The following UMAD1 variants were observed in gnomAD, a reference collection of about 807,000 sequenced individuals.
UMAD1 encodes UBAP1-MVB12-associated (UMA)-domain containing protein 1.
UMAD1 carries 8 observed loss-of-function variants against 6.1 expected under a neutral mutation model. The observed-to-expected ratio is 1.30, with a 90% CI of 0.76 to 2.35. The LOEUF (loss-of-function observed/expected upper bound fraction) is 2.35. UMAD1 is among the 30% of genes most tolerant of loss of function. UMAD1 has a pLI of 0.00. For missense variants in UMAD1, 130 were observed against 78.4 expected, an observed-to-expected ratio of 1.66 and a Z score of -2.49; for synonymous variants, 56 against 31.4, an observed-to-expected ratio of 1.78 and a Z score of -2.61.
At chr7:7,667,186 G>A (rs750785646) in intron 1 of UMAD1, among the ~76,000 whole-genome samples, 31 of 152,272 alleles carry the variant, frequency 2.0e-4, no homozygotes, top group Non-Finnish European at 4.4e-4. Flanking sequence ...TTATAGGTTG[G>A]GTTCTAGCTC....
intron 1 of UMAD1, among the ~76,000 whole-genome samples, chr7:7,653,621 C>T (rs1785276218): frequency 6.6e-6 from 1 of 152,188 alleles, no homozygotes; most frequent in South Asian, 2.1e-4. Context: ...TGTCATTGTT[C>T]ACACTGAAGA....
intron 1 of UMAD1, among the ~76,000 whole-genome samples, chr7:7,665,317 C>T (rs557927944): frequency 3.3e-5 from 5 of 152,304 alleles, no homozygotes; most frequent in African/African-American, 1.2e-4. Context: ...CCCTTTTATA[C>T]GCAGTCTGTG....
intron 2 of UMAD1, among the ~76,000 whole-genome samples, chr7:7,677,920 G>A (rs549014543): frequency 7.1e-4 from 107 of 151,702 alleles, no homozygotes; most frequent in Non-Finnish European, 5.4e-4. Flanking sequence ...TGATCCGCCC[G>A]CCTCGGCCTC....
intron 1 of UMAD1, among the ~76,000 whole-genome samples, chr7:7,645,939 T>A (rs1184394765): frequency 6.6e-6 from 1 of 152,162 alleles, no homozygotes; most frequent in Non-Finnish European, 1.5e-5. Flanking sequence ...GACCCCTTTG[T>A]GGGACTTGGA....
intron 2 of UMAD1, among the ~76,000 whole-genome samples, chr7:7,760,226 G>T (rs948070578): frequency 9.2e-5 from 14 of 151,942 alleles, no homozygotes; most frequent in Non-Finnish European, 1.5e-5. Context: ...TGTGAGTGAA[G>T]TTGTCCTTCA....
chr7:7,688,105 T>C (rs540461913), intron 2 of UMAD1, among the ~76,000 whole-genome samples: 1 of 152,318 alleles, frequency 6.6e-6, no homozygotes, highest in East Asian at 1.9e-4. Context: ...TCTGGAAACT[T>C]CTGACACTAC....
chr7:7,701,905 G>A (rs1209905456), intron 2 of UMAD1, among the ~76,000 whole-genome samples: 1 of 152,094 alleles, frequency 6.6e-6, no homozygotes, highest in Non-Finnish European at 1.5e-5. Context: ...AACCATTTCT[G>A]CCATCTCTCT....
intron 2 of UMAD1, among the ~76,000 whole-genome samples, chr7:7,782,253 A>AG (rs397721090): frequency 6.6e-6 from 1 of 151,932 alleles, no homozygotes; most frequent in African/African-American, 2.4e-5. Flanking sequence ...AAGGGAAAAA[A>AG]TAAAAATCTT....
At position 7,697,200 on chromosome 7, in the gene UMAD1, C is replaced by T. The variant is rs116851548; in HGVS notation, c.82+23747C>T. On this transcript the variant is annotated intron_variant, in intron 2 of 3. Coordinates refer to ENST00000682710, the MANE Select transcript of UMAD1 (RefSeq NM_001302348.2). ...TTCTTGATGGAATGTGTACCTGACA[C>T]TTTGATACACTTTGCAACAGTCCTG... Among the ~76,000 whole-genome samples the T allele has an allele frequency of 3.4e-4, 52 of 152,252 alleles. 1 individual carries two copies. In the East Asian group the frequency reaches 9.1e-3, roughly 27 times the overall value.
intron 3 of UMAD1, among the ~76,000 whole-genome samples, chr7:7,825,494 G>A (rs1264027861): frequency 6.6e-6 from 1 of 152,084 alleles, no homozygotes; most frequent in Non-Finnish European, 1.5e-5. Flanking sequence ...ATCTTACATG[G>A]ATGGCAGCAG....
Position 7,734,819 on chromosome 7 carries a change from AT to A in UMAD1, c.82+61373del, listed in dbSNP as rs1402687947. Among the ~76,000 whole-genome samples the A allele has an allele frequency of 5.9e-5, 9 of 152,210 alleles. No individual in the cohort carries two copies. The East Asian group carries it at 1.7e-3, about 29-fold the overall frequency. On this transcript the variant is annotated intron_variant, in intron 2 of 3. Transcript: ENST00000682710. ...GGAAAATGATATGCTAGCTAACTTTATTTTTTTCATACATAAAACAATGTGT... is the reference window on the plus strand; with the variant it reads ...GGAAAATGATATGCTAGCTAACTTTATTTTTTCATACATAAAACAATGTGT...
chr7:7,755,763 TGCTG>T (rs1781764630), intron 2 of UMAD1, among the ~76,000 whole-genome samples: 1 of 152,208 alleles, frequency 6.6e-6, no homozygotes, highest in Non-Finnish European at 1.5e-5. Flanking sequence ...ACCAAAAACA[TGCTG>T]GCTAAGTACG....
At chr7:7,786,268 T>C (rs935210359) in intron 2 of UMAD1, among the ~76,000 whole-genome samples, 6 of 152,240 alleles carry the variant, frequency 3.9e-5, no homozygotes, top group African/African-American at 1.4e-4. Context: ...ACCTTCAATA[T>C]CTAGACATTT....
intron 3 of UMAD1, among the ~76,000 whole-genome samples, chr7:7,859,624 A>T (rs146933718): frequency 1.3e-5 from 2 of 152,184 alleles, no homozygotes; most frequent in African/African-American, 4.8e-5. Context: ...CAGAAAGGTT[A>T]AATGATTCGC....
intron 2 of UMAD1, among the ~76,000 whole-genome samples, chr7:7,735,018 A>G (rs1781324399): frequency 6.6e-6 from 1 of 152,154 alleles, no homozygotes; most frequent in Non-Finnish European, 1.5e-5. Flanking sequence ...TGAACAGGGT[A>G]TTATTTTAGT....
In UMAD1 at chr7:7,827,122, GATATATATATAT is replaced by G. The variant is rs112036833; in HGVS notation, c.156+25394_156+25405del. 3.6e-3 allele frequency among the ~76,000 whole-genome samples: 506 copies of G among 140,400 alleles called. 3 individuals are homozygous for G. Among genetic ancestry groups the G allele is most frequent in the Admixed American group, 6.0e-3 (84 of 14,002 alleles). The allele number at this position is 140,400 out of a possible 152,430, so 92.1% of individuals were successfully genotyped here. On this transcript the variant is annotated intron_variant, in intron 3 of 3. Transcript: ENST00000682710. ...GTGTTTTATCAGTCTCACAGTCCAG[GATATATATATAT>G]ATATATATATATATGTGTGTGTGTG...
chr7:7,832,232 C>G (rs1783481073), intron 3 of UMAD1, among the ~76,000 whole-genome samples: 1 of 152,166 alleles, frequency 6.6e-6, no homozygotes, highest in African/African-American at 2.4e-5. Flanking sequence ...TCACATGGTT[C>G]TAGTTTCAAA....
Position 7,752,081 on chromosome 7 carries a change from C to A in UMAD1, c.83-49589C>A, listed in dbSNP as rs551613721. Among the ~76,000 whole-genome samples the A allele has an allele frequency of 4.6e-5, 7 of 152,164 alleles. 1 individual carries two copies. Among genetic ancestry groups the A allele is most frequent in the African/African-American group, 1.7e-4 (7 of 41,530 alleles). ...TTAGGTACATAGGGTTCATTATTTT[C>A]TCATTTTTGCACTTATTTTTTAAAG... On this transcript the variant is annotated intron_variant, in intron 2 of 3. Transcript: ENST00000682710.
chr7:7,667,323 G>C (rs1779490669), intron 1 of UMAD1, among the ~76,000 whole-genome samples: 1 of 152,184 alleles, frequency 6.6e-6, no homozygotes, highest in Non-Finnish European at 1.5e-5. Context: ...TACAGAGAAG[G>C]AAATGAGACT....
Sources: allele counts gnomAD v4.1 joint callset (sites outside exome capture counted in the v4.1 genomes callset), GRCh38; gene constraint gnomAD v4.1.1; transcripts MANE v1.5; gene names NCBI Gene and HGNC (gene_info 2026-07-23, HGNC 2026-07-21).